The following GRM7 variants were observed in gnomAD, a reference collection of about 807,000 sequenced individuals.
GRM7 encodes the protein metabotropic glutamate receptor 7.
In GRM7, 35 loss-of-function variants were observed where a neutral mutation model predicts 84.5. The observed-to-expected ratio is 0.41, with a 90% CI of 0.32 to 0.55. GRM7 has a LOEUF of 0.55. Ranked by LOEUF, GRM7 falls within the 20% of genes least tolerant of loss-of-function variation. The pLI, the probability that GRM7 is intolerant of heterozygous loss-of-function variation, is 0.19. For missense variants in GRM7, 1,003 were observed against 1,194.6 expected (o/e 0.84, Z 2.36); for synonymous variants, 487 against 455.1 (o/e 1.07, Z -0.89).
chr3:7,303,152 G>C (rs570933381), intron 3 of GRM7, among the ~76,000 whole-genome samples: 33 of 152,162 alleles, frequency 2.2e-4, no homozygotes, highest in African/African-American at 5.8e-4. Context: ...ATGTTAGCCA[G>C]GATGGTCTTG....
At chr3:6,945,367 T>C (rs9681595) in intron 1 of GRM7, among the ~76,000 whole-genome samples, 34,549 of 151,642 alleles carry the variant, frequency 0.23, 4,076 homozygotes, top group Non-Finnish European at 0.26. Context: ...CCAGCTTCAT[T>C]CATGCCCCTA....
chr3:7,094,149 G>T (rs1241876718), intron 1 of GRM7, among the ~76,000 whole-genome samples: 1 of 152,086 alleles, frequency 6.6e-6, no homozygotes, highest in Non-Finnish European at 1.5e-5. Flanking sequence ...TTCAGTGAAA[G>T]AGACAGACAA....
chr3:6,945,244 G>A (rs1698026328), intron 1 of GRM7, among the ~76,000 whole-genome samples: 1 of 145,328 alleles, frequency 6.9e-6, no homozygotes, highest in South Asian at 2.2e-4. Flanking sequence ...CCCAGTGTGT[G>A]ATGTTCCCCT....
chr3:6,881,337 T>C (rs970205131), intron 1 of GRM7, among the ~76,000 whole-genome samples: 3 of 152,130 alleles, frequency 2.0e-5, no homozygotes, highest in East Asian at 3.9e-4. Context: ...TTCCCCTCCC[T>C]GTGTCCATGT....
chr3:7,339,367 C>A (rs1701549373), intron 4 of GRM7, among the ~76,000 whole-genome samples: 1 of 152,126 alleles, frequency 6.6e-6, no homozygotes, highest in Admixed American at 6.6e-5. Flanking sequence ...ATGGGAAATA[C>A]ACCCTGTTGC....
intron 2 of GRM7, among the ~76,000 whole-genome samples, chr3:7,281,407 T>A (rs1699247029): frequency 6.6e-6 from 1 of 152,164 alleles, no homozygotes; most frequent in Admixed American, 6.5e-5. Flanking sequence ...GCCTAAAATG[T>A]TAGAGTTGGA....
chr3:7,486,079 C>G lies in GRM7; in HGVS notation c.1515+24357C>G, dbSNP rs999929737. On this transcript the variant is annotated intron_variant, in intron 7 of 9. Transcript: ENST00000357716. This position sits in a 1 kb window ranked among gnomAD's most constrained non-coding sequence, Gnocchi z 5.5. Reference sequence around the variant, plus strand: ...AGTTGAGATAAACTTTAAAGTTCTTCAAAGAGTCAAAGGATGAGATAAAAT... The same window carrying G: ...AGTTGAGATAAACTTTAAAGTTCTTGAAAGAGTCAAAGGATGAGATAAAAT... 2.0e-5 allele frequency among the ~76,000 whole-genome samples: 3 copies of G among 152,084 alleles called. No homozygotes were observed. Among genetic ancestry groups the G allele is most frequent in the Non-Finnish European group, 4.4e-5 (3 of 68,022 alleles).
chr3:7,726,455 T>G (rs1300618138), intron 9 of GRM7, among the ~76,000 whole-genome samples: 1 of 151,458 alleles, frequency 6.6e-6, no homozygotes, highest in Admixed American at 6.6e-5. Flanking sequence ...AAAAAACATT[T>G]AATTCAACTA....
chr3:6,904,874 C>T (rs966597033), intron 1 of GRM7, among the ~76,000 whole-genome samples: 1 of 151,936 alleles, frequency 6.6e-6, no homozygotes, highest in Non-Finnish European at 1.5e-5. Flanking sequence ...GCACATAGCA[C>T]CCTCCTTGGA....
intron 6 of GRM7, among the ~76,000 whole-genome samples, chr3:7,458,145 T>C (rs1040503719): frequency 1.3e-5 from 2 of 152,204 alleles, no homozygotes; most frequent in African/African-American, 4.8e-5. Flanking sequence ...TCTCTATTCC[T>C]TCTCTGTCCA....
intron 1 of GRM7, among the ~76,000 whole-genome samples, chr3:7,107,499 G>C (rs1040991371): frequency 1.3e-5 from 2 of 151,994 alleles, no homozygotes; most frequent in Non-Finnish European, 2.9e-5. Context: ...GTACCAGATA[G>C]GACATTAGCC....
At chr3:7,392,669 G>A (rs1695047178) in intron 4 of GRM7, among the ~76,000 whole-genome samples, 4 of 152,172 alleles carry the variant, frequency 2.6e-5, no homozygotes, top group Admixed American at 2.6e-4. Flanking sequence ...AGAAGAGCCT[G>A]GTTTCCCCAC....
chr3:7,682,571 C>CACACACA (rs753919806), intron 9 of GRM7, among the ~76,000 whole-genome samples: 3 of 46,294 alleles, frequency 6.5e-5, no homozygotes, highest in African/African-American at 2.5e-4. Flanking sequence ...CACACACACA[C>CACACACA]ATTTAACTAG....
At chr3:7,001,139 T>A (rs1221681516) in intron 1 of GRM7, among the ~76,000 whole-genome samples, 1 of 152,122 alleles carries the variant, frequency 6.6e-6, no homozygotes. Flanking sequence ...AAAGCCTTTT[T>A]AAATACAATA....
intron 1 of GRM7, among the ~76,000 whole-genome samples, chr3:7,033,897 A>G (rs1212967681): frequency 1.3e-5 from 2 of 152,144 alleles, no homozygotes; most frequent in Non-Finnish European, 2.9e-5. Context: ...TTGCTAATTT[A>G]TTATATTTCT....
chr3:7,231,453 T>A (rs1189481858), intron 2 of GRM7, among the ~76,000 whole-genome samples: 1 of 152,172 alleles, frequency 6.6e-6, no homozygotes, highest in African/African-American at 2.4e-5. Flanking sequence ...GGAGCATATA[T>A]ATATACATAT....
intron 2 of GRM7, among the ~76,000 whole-genome samples, chr3:7,231,441 T>A (rs561266518): frequency 3.9e-5 from 6 of 152,296 alleles, no homozygotes; most frequent in African/African-American, 1.4e-4. Flanking sequence ...TTTTTAAAAT[T>A]TGGAGCATAT....
chr3:7,263,153 C>T (rs559865860), intron 2 of GRM7, among the ~76,000 whole-genome samples: 6 of 152,250 alleles, frequency 3.9e-5, no homozygotes, highest in East Asian at 1.9e-4. Flanking sequence ...AAGGTGGATT[C>T]GGTCAACTGG....
At chr3:7,634,568 A>G (rs2324208) in intron 8 of GRM7, among the ~76,000 whole-genome samples, 129,133 of 148,416 alleles carry the variant, frequency 0.87, 56,375 homozygotes, top group African/African-American at 0.94. Context: ...GGTGGATCAC[A>G]AGATCAAGGA....
Sources: allele counts gnomAD v4.1 joint callset (sites outside exome capture counted in the v4.1 genomes callset), GRCh38; gene constraint gnomAD v4.1.1; non-coding constraint Gnocchi (gnomAD v3.1); transcripts MANE v1.5; gene names NCBI Gene and HGNC (gene_info 2026-07-23, HGNC 2026-07-21).